The following ADGB variants were observed in gnomAD, a reference collection of about 807,000 sequenced individuals.
The protein encoded by ADGB is calpain-7-like protein.
In ADGB, 172 loss-of-function variants were observed where a neutral mutation model predicts 210.5. That is an observed-to-expected ratio of 0.82 (90% CI 0.72 to 0.93). The LOEUF (loss-of-function observed/expected upper bound fraction) is 0.93. Among genes scored for constraint, ADGB ranks in the 40% least tolerant of loss-of-function variants. ADGB has a pLI of 0.00. For synonymous variants in ADGB, 658 were observed against 662.7 expected, an observed-to-expected ratio of 0.99 and a Z score of 0.11; for missense variants, 2,025 against 1,964.8, an observed-to-expected ratio of 1.03 and a Z score of -0.58.
At chr6:146,806,368 T>A (rs1263773796) in intron 35 of ADGB, among the ~76,000 whole-genome samples, 3 of 152,218 alleles carry the variant, frequency 2.0e-5, no homozygotes, top group Non-Finnish European at 2.9e-5. Flanking sequence ...CTGATGTATA[T>A]TAAACTTATT....
At chr6:146,667,905 C>T (rs1200756272) in intron 7 of ADGB, among the ~76,000 whole-genome samples, 4 of 152,000 alleles carry the variant, frequency 2.6e-5, no homozygotes, top group Admixed American at 1.3e-4. Context: ...GAAACTAAAG[C>T]TCTCAGAGGT....
chr6:146,654,077 A>G, intron 3 of ADGB, 58 bp from the exon 4 acceptor site: 1 of 1,186,098 alleles, frequency 8.4e-7, no homozygotes, highest in Non-Finnish European at 1.2e-6. Flanking sequence ...CTATTTCATT[A>G]AATTACTTTT....
intron 29 of ADGB, among the ~76,000 whole-genome samples, chr6:146,771,446 T>A (rs991770400): frequency 6.6e-6 from 1 of 152,184 alleles, no homozygotes; most frequent in Non-Finnish European, 1.5e-5. Context: ...TTTCTCTATA[T>A]GTTTTTCCCG....
chr6:146,684,056 G>A lies in ADGB; in HGVS notation c.1217-1678G>A, dbSNP rs549093449. On this transcript the variant is annotated intron_variant, in intron 9 of 35. Coordinates refer to ENST00000397944, the MANE Select transcript of ADGB (RefSeq NM_024694.4). ...AGACATTTGGTCAAACATTATGTAA[G>A]GTGTGTGTTTAACATCTGGAAACTC... 3.3e-5 allele frequency among the ~76,000 whole-genome samples: 5 copies of A among 152,116 alleles called. No individual in the cohort carries two copies. The South Asian group carries it at 1.0e-3, about 32-fold the overall frequency.
At chr6:146,719,067 A>G (rs1199760996) in intron 16 of ADGB, among the ~76,000 whole-genome samples, 1 of 152,238 alleles carries the variant, frequency 6.6e-6, no homozygotes, top group Non-Finnish European at 1.5e-5. Context: ...TGGTTTATAG[A>G]TGTTGCAGGC....
chr6:146,646,671 C>G (rs1775617795), intron 3 of ADGB, among the ~76,000 whole-genome samples: 1 of 151,882 alleles, frequency 6.6e-6, no homozygotes, highest in Non-Finnish European at 1.5e-5. Flanking sequence ...ATTTTACAAC[C>G]CTGTAGTGAT....
chr6:146,667,611 T>C lies in ADGB; in HGVS notation c.839+709T>C, dbSNP rs150656868. Among the ~76,000 whole-genome samples, 864 of 152,174 alleles carry C rather than the reference T, an allele frequency of 5.7e-3. 8 individuals are homozygous for C. The highest frequency in any genetic ancestry group is 0.019 in the African/African-American group (808 of 41,546). On this transcript the variant is annotated intron_variant, in intron 7 of 35. Transcript: ENST00000397944. ...ATATACTATGAATTTAATCTTTAAA[T>C]ATCCGATGTACAAATATTTAAACAA...
At chr6:146,810,095 A>G (rs1049554165) in intron 35 of ADGB, among the ~76,000 whole-genome samples, 4 of 152,234 alleles carry the variant, frequency 2.6e-5, no homozygotes, top group Non-Finnish European at 5.9e-5. Context: ...TTAAAAACTC[A>G]TATAACTCAA....
chr6:146,712,307 C>A (rs1005882126), intron 13 of ADGB, among the ~76,000 whole-genome samples: 1 of 152,018 alleles, frequency 6.6e-6, no homozygotes, highest in Non-Finnish European at 1.5e-5. Flanking sequence ...GCCTCAGCCT[C>A]CCAAGTAGCT....
At chr6:146,748,182 C>G (rs954146223) in intron 26 of ADGB, among the ~76,000 whole-genome samples, 2 of 151,976 alleles carry the variant, frequency 1.3e-5, no homozygotes, top group Admixed American at 6.6e-5. Context: ...AAAAACTTCA[C>G]TCAAGGCAGC....
At chr6:146,800,100 G>A (rs978341434) in intron 33 of ADGB, among the ~76,000 whole-genome samples, 2 of 151,870 alleles carry the variant, frequency 1.3e-5, no homozygotes, top group African/African-American at 2.4e-5. Flanking sequence ...GAGCCACCGC[G>A]CCCGGCCCTA....
intron 27 of ADGB, among the ~76,000 whole-genome samples, chr6:146,753,245 A>G (rs1452049719): frequency 1.3e-5 from 2 of 152,198 alleles, no homozygotes; most frequent in East Asian, 3.9e-4. Context: ...AATTACAAAC[A>G]AGGGAACAAG....
chr6:146,634,281 G>A (rs115893195), intron 1 of ADGB, among the ~76,000 whole-genome samples: 7,819 of 152,136 alleles, frequency 0.051, 673 homozygotes, highest in African/African-American at 0.18. Context: ...TGTTGTTTGA[G>A]GGACAACAAA....
intron 9 of ADGB, among the ~76,000 whole-genome samples, chr6:146,681,238 CA>C (rs774619779): frequency 6.6e-6 from 1 of 152,072 alleles, no homozygotes; most frequent in East Asian, 1.9e-4. Flanking sequence ...TAAGTTCTTG[CA>C]AGATCTGGTC....
chr6:146,772,469 C>G (rs1471118713), intron 29 of ADGB, among the ~76,000 whole-genome samples: 1 of 147,280 alleles, frequency 6.8e-6, no homozygotes, highest in African/African-American at 2.5e-5. Context: ...GCTGGGAATT[C>G]TAATGGAAAT....
intron 30 of ADGB, among the ~76,000 whole-genome samples, chr6:146,782,641 T>A (rs1236403059): frequency 6.6e-6 from 1 of 152,054 alleles, no homozygotes; most frequent in African/African-American, 2.4e-5. Flanking sequence ...TCAACCTGGT[T>A]TTTTGAAGCA....
intron 33 of ADGB, among the ~76,000 whole-genome samples, chr6:146,789,870 G>C (rs1164486299): frequency 6.6e-6 from 1 of 152,084 alleles, no homozygotes; most frequent in Non-Finnish European, 1.5e-5. Context: ...CTAGAACCTG[G>C]ACTTACACCC....
chr6:146,734,082 A>C, intron 22 of ADGB, 52 bp downstream of exon 22: 1 of 1,513,006 alleles, frequency 6.6e-7, no homozygotes, highest in Non-Finnish European at 8.9e-7. Flanking sequence ...AAGAATAAAT[A>C]TTTATGTGTG....
chr6:146,724,527 T>A, intron 18 of ADGB, 200 bp downstream of exon 18: 1 of 395,514 alleles, frequency 2.5e-6, no homozygotes, highest in Non-Finnish European at 4.4e-6. Flanking sequence ...TGAATATCCC[T>A]TTGGGAGATT....
Sources: allele counts gnomAD v4.1 joint callset (sites outside exome capture counted in the v4.1 genomes callset), GRCh38; gene constraint gnomAD v4.1.1; transcripts MANE v1.5; gene names NCBI Gene and HGNC (gene_info 2026-07-23, HGNC 2026-07-21).